The following OXR1 variants were observed in gnomAD, a reference collection of about 807,000 sequenced individuals.
OXR1 encodes oxidation resistance protein 1.
A neutral mutation model predicts 104.6 loss-of-function variants in OXR1; 41 were observed. That is an observed-to-expected ratio of 0.39 (90% CI 0.31 to 0.51). OXR1 has a LOEUF of 0.51. Ranked by LOEUF, OXR1 falls within the 20% of genes least tolerant of loss-of-function variation. The pLI is 0.77. For synonymous variants in OXR1, 348 were observed against 348.4 expected (o/e 1.00, Z 0.01); for missense variants, 955 against 1,031.9 (o/e 0.93, Z 1.02).
chr8:106,572,764 A>G (rs556289858), intron 3 of OXR1, among the ~76,000 whole-genome samples: 10 of 152,352 alleles, frequency 6.6e-5, no homozygotes, highest in African/African-American at 1.7e-4. Context: ...CCTGCTATGC[A>G]TCTCAAAATT....
At chr8:106,311,713 C>T (rs1473211895) in intron 1 of OXR1, among the ~76,000 whole-genome samples, 1 of 152,140 alleles carries the variant, frequency 6.6e-6, no homozygotes, top group Non-Finnish European at 1.5e-5. Context: ...ACCTATACCA[C>T]TGCCTTCAAA....
intron 1 of OXR1, among the ~76,000 whole-genome samples, chr8:106,343,314 T>A (rs1815333276): frequency 6.6e-6 from 1 of 152,238 alleles, no homozygotes; most frequent in South Asian, 2.1e-4. Flanking sequence ...ACTTTGTCAT[T>A]TCCAAATAGC....
chr8:106,347,379 A>G (rs2130294676), intron 1 of OXR1, among the ~76,000 whole-genome samples: 1 of 152,322 alleles, frequency 6.6e-6, no homozygotes, highest in East Asian at 1.9e-4. Flanking sequence ...TCACCGGAGA[A>G]GGTCTTACCC....
chr8:106,356,034 T>A (rs1217623837), intron 1 of OXR1, among the ~76,000 whole-genome samples: 1 of 152,182 alleles, frequency 6.6e-6, no homozygotes. Flanking sequence ...TGTTTTTAAG[T>A]GCTGGATTGA....
At position 106,679,306 on chromosome 8, in the gene OXR1, T is replaced by A. The variant is rs770425983; in HGVS notation, c.303+14T>A. Reference sequence around the variant, plus strand: ...ATTGAGTATACTGTAAGTTATTTGCTTTCGAAAAAGCTATTTTTCTTTGTA... The same window carrying A: ...ATTGAGTATACTGTAAGTTATTTGCATTCGAAAAAGCTATTTTTCTTTGTA... On this transcript the variant is annotated intron_variant, in intron 4 of 16. Transcript: ENST00000517566. 3 of 1,436,560 alleles carry A rather than the reference T, an allele frequency of 2.1e-6. No homozygotes were observed. In the Admixed American group the frequency reaches 5.8e-5, roughly 28 times the overall value. The allele number at this position is 1,436,560 out of a possible 1,614,324, so 89.0% of individuals were successfully genotyped here.
At position 106,737,544 on chromosome 8, in the gene OXR1, C is replaced by A. The variant is rs867407229; in HGVS notation, c.1981C>A (p.Arg661Ser). Reference sequence around the variant, plus strand: ...GGTAGTGTCAGTGGCTGAGTATCACCGCAGGATCGATGCTCTAAATACTGA... The same window carrying A: ...GGTAGTGTCAGTGGCTGAGTATCACAGCAGGATCGATGCTCTAAATACTGA... The part of the protein sequence containing the change: ...WEVVSVAEYH[R>S]RIDALNTEEL... The change falls in exon 12 of 17, where the codon CGC becomes AGC. Residue 661 changes from arginine (R) to serine (S), a missense_variant. Transcript: ENST00000517566. The A allele has an allele frequency of 7.1e-7, 1 of 1,412,630 alleles. No homozygotes were observed. The highest frequency in any genetic ancestry group is 9.3e-7 in the Non-Finnish European group (1 of 1,072,978). 87.5% of individuals were successfully genotyped at this position (1,412,630 alleles called of 1,614,324 possible).
chr8:106,473,985 A>C (rs1821661260), intron 2 of OXR1, among the ~76,000 whole-genome samples: 1 of 143,504 alleles, frequency 7.0e-6, no homozygotes, highest in African/African-American at 2.6e-5. Context: ...TATATATATT[A>C]TATATAATAT....
chr8:106,315,610 A>G (rs985368091), intron 1 of OXR1, among the ~76,000 whole-genome samples: 8 of 152,222 alleles, frequency 5.3e-5, no homozygotes, highest in African/African-American at 1.9e-4. Flanking sequence ...GGGACTTGCA[A>G]TCAGTGGCAC....
rs116651066 is a variant in OXR1, at chr8:106,751,284, T to G, written c.*343T>G. The G allele has an allele frequency of 0.012, 2,011 of 164,834 alleles. 46 individuals carry two copies. The highest frequency in any genetic ancestry group is 0.045 in the African/African-American group (1,901 of 42,084). 10.2% of individuals were successfully genotyped at this position (164,834 alleles called of 1,614,324 possible). On this transcript the variant is annotated 3_prime_UTR_variant, in exon 17 of 17. Coordinates refer to ENST00000517566, the MANE Select transcript of OXR1 (RefSeq NM_001198533.2). ...CTTTTGTTGAACCTGTATTGATTTT[T>G]TTTTTTTTAACTATATTGATTCGTT...
chr8:106,334,541 A>G (rs1473794941), intron 1 of OXR1, among the ~76,000 whole-genome samples: 1 of 152,202 alleles, frequency 6.6e-6, no homozygotes, highest in African/African-American at 2.4e-5. Flanking sequence ...ACCATTAAGT[A>G]TGATGTTAGC....
intron 7 of OXR1, among the ~76,000 whole-genome samples, chr8:106,698,631 A>T (rs1160750326): frequency 6.6e-6 from 1 of 151,876 alleles, no homozygotes. Context: ...TTTTAAATTC[A>T]CCAATTTTTT....
chr8:106,412,399 T>G (rs1302551361), intron 2 of OXR1, among the ~76,000 whole-genome samples: 1 of 152,164 alleles, frequency 6.6e-6, no homozygotes, highest in Non-Finnish European at 1.5e-5. Flanking sequence ...ATAAAAGCTA[T>G]TTAAAGCCAA....
chr8:106,284,482 C>G (rs1812411680), intron 1 of OXR1, among the ~76,000 whole-genome samples: 1 of 152,086 alleles, frequency 6.6e-6, no homozygotes, highest in African/African-American at 2.4e-5. Flanking sequence ...ATCAACCATC[C>G]TTTATTGGCA....
At chr8:106,725,398 A>T (rs1245174800) in intron 11 of OXR1, among the ~76,000 whole-genome samples, 1 of 152,190 alleles carries the variant, frequency 6.6e-6, no homozygotes, top group South Asian at 2.1e-4. Context: ...CAAATGTATC[A>T]TCATGATATT....
intron 3 of OXR1, among the ~76,000 whole-genome samples, chr8:106,524,739 G>C (rs975723192): frequency 1.3e-5 from 2 of 152,138 alleles, no homozygotes; most frequent in Non-Finnish European, 2.9e-5. Context: ...ATAGACAACA[G>C]AGAATGTCCT....
Position 106,350,043 on chromosome 8 carries a change from G to C in OXR1, c.-138-9433G>C, listed in dbSNP as rs145896774. On this transcript the variant is annotated intron_variant, in intron 1 of 16. Coordinates refer to ENST00000517566, the MANE Select transcript of OXR1 (RefSeq NM_001198533.2). ...TGGCATTTGTGAATACAGGGAAGAA[G>C]TGAGAGAAAGCAATAGTTTGAAGTC... 2.3e-3 allele frequency among the ~76,000 whole-genome samples: 343 copies of C among 152,256 alleles called. 4 individuals carry two copies. The highest frequency in any genetic ancestry group is 7.7e-3 in the African/African-American group (322 of 41,558).
Position 106,367,099 on chromosome 8 carries a change from G to A in OXR1, c.23+7463G>A, listed in dbSNP as rs1311029089. 4.4e-5 allele frequency among the ~76,000 whole-genome samples: 6 copies of A among 136,664 alleles called. No individual in the cohort carries two copies. In the East Asian group the frequency reaches 1.1e-3, roughly 24 times the overall value. 89.7% of individuals were successfully genotyped at this position (136,664 alleles called of 152,430 possible). A position where few individuals can be genotyped will look rare whatever the true frequency, so the allele number is the denominator to read the frequency against. On this transcript the variant is annotated intron_variant, in intron 2 of 16. Transcript: ENST00000517566. ...TTTTTTTGAGACGGAGTCTTGCCCT[G>A]TTACCCAAGCTGGGGTGCAGTGGTG...
intron 7 of OXR1, chr8:106,697,625 T>C (rs936298771): frequency 2.5e-6 from 4 of 1,613,572 alleles, no homozygotes; most frequent in African/African-American, 2.7e-5. Context: ...CCCAGATTCC[T>C]CAGCGTCCGC....
intron 3 of OXR1, among the ~76,000 whole-genome samples, chr8:106,636,183 C>G (rs373235989): frequency 7.9e-5 from 12 of 152,052 alleles, no homozygotes; most frequent in African/African-American, 2.9e-4. Context: ...CTTATAAGTG[C>G]GAACTAAGGC....
Sources: allele counts gnomAD v4.1 joint callset (sites outside exome capture counted in the v4.1 genomes callset), GRCh38; gene constraint gnomAD v4.1.1; transcripts MANE v1.5; gene names NCBI Gene and HGNC (gene_info 2026-07-23, HGNC 2026-07-21).